Variants in NEK7 observed in about 807,000 individuals in gnomAD.
NEK7 encodes serine/threonine-protein kinase Nek7.
Under a neutral mutation model 44.6 loss-of-function variants are expected in NEK7, and 18 were observed. That is an observed-to-expected ratio of 0.40 (90% CI 0.28 to 0.60). The LOEUF (loss-of-function observed/expected upper bound fraction) is 0.60, where lower values mean the gene tolerates loss of function less well. Ranked by LOEUF, NEK7 falls within the 20% of genes least tolerant of loss-of-function variation. The pLI is 0.38. For missense variants in NEK7, 256 were observed against 366.5 expected, an observed-to-expected ratio of 0.70 and a Z score of 2.46; for synonymous variants, 130 against 121.1, an observed-to-expected ratio of 1.07 and a Z score of -0.48.
intron 9 of NEK7, among the ~76,000 whole-genome samples, chr1:198,318,767 A>T (rs950123299): frequency 3.3e-5 from 5 of 152,124 alleles, no homozygotes; most frequent in African/African-American, 1.2e-4. Flanking sequence ...ATCTGCTTTT[A>T]TTCTATGATA....
intron 5 of NEK7, among the ~76,000 whole-genome samples, chr1:198,271,324 G>C (rs1325456458): frequency 6.6e-6 from 1 of 151,998 alleles, no homozygotes; most frequent in African/African-American, 2.4e-5. Context: ...TCAAGAGAAT[G>C]GGATTATACA....
intron 5 of NEK7, among the ~76,000 whole-genome samples, chr1:198,266,967 A>G (rs1218039078): frequency 6.6e-6 from 1 of 152,030 alleles, no homozygotes; most frequent in Non-Finnish European, 1.5e-5. Flanking sequence ...ACTAGACAGG[A>G]GCACCCTCAC....
chr1:198,191,215 T>C (rs1478358814), intron 1 of NEK7, among the ~76,000 whole-genome samples: 1 of 152,076 alleles, frequency 6.6e-6, no homozygotes, highest in Admixed American at 6.6e-5. Flanking sequence ...TTAGAGTTTT[T>C]TTGGAGTATA....
At chr1:198,210,751 T>C (rs1468583417) in intron 1 of NEK7, among the ~76,000 whole-genome samples, 1 of 117,510 alleles carries the variant, frequency 8.5e-6, no homozygotes, top group African/African-American at 3.5e-5. Flanking sequence ...CTTTTTTTTT[T>C]TTTTTTTTTT....
chr1:198,314,270 G>C (rs1655281755), intron 9 of NEK7, among the ~76,000 whole-genome samples: 1 of 152,136 alleles, frequency 6.6e-6, no homozygotes, highest in Non-Finnish European at 1.5e-5. Flanking sequence ...TCGAGCCTTG[G>C]TTTTCAGCTC....
At chr1:198,295,958 G>T (rs902278205) in intron 8 of NEK7, among the ~76,000 whole-genome samples, 1 of 152,004 alleles carries the variant, frequency 6.6e-6, no homozygotes, top group African/African-American at 2.4e-5. Flanking sequence ...CTATATAGTT[G>T]TGTGCACGTT....
chr1:198,258,161 C>T (rs987993906), intron 3 of NEK7, among the ~76,000 whole-genome samples: 2 of 152,132 alleles, frequency 1.3e-5, no homozygotes, highest in Admixed American at 1.3e-4. Context: ...GCTGTAGAGC[C>T]GGGCACGGTG....
At position 198,262,634 on chromosome 1, in the gene NEK7, T is replaced by G. The variant is rs1283738742; in HGVS notation, c.258T>G (p.Leu86=). The G allele has an allele frequency of 6.4e-7, 1 of 1,563,082 alleles. No individual in the cohort carries two copies. The highest frequency in any genetic ancestry group is 8.8e-7 in the Non-Finnish European group (1 of 1,140,706). The change falls in exon 4 of 10, where the codon CTT becomes CTG. Residue 86 remains leucine, a synonymous_variant. Coordinates refer to ENST00000367385, the MANE Select transcript of NEK7 (RefSeq NM_133494.3). ...RADCIKEIDL[L]KQLNHPNVIK... ...ATTGCATCAAAGAAATAGATCTTCT[T>G]AAGGTAATTAATGAACTGTTGACTC...
At position 198,245,395 on chromosome 1, in the gene NEK7, C is replaced by T. The variant is rs1019682090; in HGVS notation, c.58-7645C>T. 1.8e-5 allele frequency: 3 copies of T among 169,192 alleles called. 1 individual carries two copies. The highest frequency in any genetic ancestry group is 2.9e-5 in the Non-Finnish European group (2 of 68,314). The allele number at this position is 169,192 out of a possible 1,614,324, so 10.5% of individuals were successfully genotyped here. A position where few individuals can be genotyped will look rare whatever the true frequency, so the allele number is the denominator to read the frequency against. On this transcript the variant is annotated intron_variant, in intron 2 of 9. Coordinates refer to ENST00000367385, the MANE Select transcript of NEK7 (RefSeq NM_133494.3). ...GCCTCTTTATAGAGTTGAATGACTA[C>T]TGTCAATTGCTACAGAAATAGAGGT...
rs1387427028 is a variant in NEK7, at chr1:198,319,927, T to A, written c.*405T>A. 6.5e-6 allele frequency: 1 copy of A among 153,574 alleles called. No individual in the cohort carries two copies. Among genetic ancestry groups the A allele is most frequent in the East Asian group, 1.9e-4 (1 of 5,236 alleles). The allele number at this position is 153,574 out of a possible 1,614,324, so 9.5% of individuals were successfully genotyped here. The stretch of plus-strand genomic sequence containing the variant: ...ATGTGACTTGTTTCTTTTTTAGTAA[T>A]TTATGGACATTGAGATGAACACAAT... On this transcript the variant is annotated 3_prime_UTR_variant, in exon 10 of 10. Transcript: ENST00000367385.
At chr1:198,248,003 T>C (rs1435530879) in intron 2 of NEK7, among the ~76,000 whole-genome samples, 2 of 152,106 alleles carry the variant, frequency 1.3e-5, no homozygotes, top group Non-Finnish European at 2.9e-5. Context: ...GTCTTTAATA[T>C]TCAGTTTCAT....
intron 1 of NEK7, among the ~76,000 whole-genome samples, chr1:198,231,181 G>T (rs3861920): frequency 0.14 from 20,701 of 150,276 alleles, 2,091 homozygotes; most frequent in East Asian, 0.57. Flanking sequence ...TAGGTACACT[G>T]TAGGGCAGTA....
intron 1 of NEK7, among the ~76,000 whole-genome samples, chr1:198,181,165 A>G (rs1417698987): frequency 6.6e-6 from 1 of 152,088 alleles, no homozygotes; most frequent in Admixed American, 6.6e-5. Context: ...CCAGCAAACT[A>G]AGCATTATCT....
At chr1:198,219,985 A>G (rs1017234343) in intron 1 of NEK7, among the ~76,000 whole-genome samples, 1 of 151,486 alleles carries the variant, frequency 6.6e-6, no homozygotes, top group Non-Finnish European at 1.5e-5. Context: ...TGCTGCACTA[A>G]TCATCCATTG....
intron 4 of NEK7, among the ~76,000 whole-genome samples, chr1:198,263,325 A>C (rs1653541133): frequency 6.6e-6 from 1 of 151,900 alleles, no homozygotes; most frequent in East Asian, 1.9e-4. Flanking sequence ...TTTTCTGACT[A>C]TTCTGTTAGT....
At chr1:198,307,104 T>G (rs528789636) in intron 9 of NEK7, among the ~76,000 whole-genome samples, 2 of 152,266 alleles carry the variant, frequency 1.3e-5, no homozygotes, top group East Asian at 3.9e-4. Flanking sequence ...TTGCTGTGAT[T>G]GAGATTCTCA....
intron 1 of NEK7, chr1:198,198,183 A>G: frequency 1.3e-6 from 1 of 749,072 alleles, no homozygotes. Context: ...TTGGGATTCC[A>G]CATGTTGAGG....
chr1:198,291,590 A>G (rs1050822523), intron 7 of NEK7, among the ~76,000 whole-genome samples: 18 of 152,092 alleles, frequency 1.2e-4, no homozygotes, highest in African/African-American at 4.3e-4. Flanking sequence ...TAATTTTTGT[A>G]TATTAATAGT....
At chr1:198,203,185 C>T (rs1253806953) in intron 1 of NEK7, among the ~76,000 whole-genome samples, 3 of 152,204 alleles carry the variant, frequency 2.0e-5, no homozygotes, top group Non-Finnish European at 4.4e-5. Flanking sequence ...ATGTCACAAG[C>T]CTTTAGATGG....
Sources: allele counts gnomAD v4.1 joint callset (sites outside exome capture counted in the v4.1 genomes callset), GRCh38; gene constraint gnomAD v4.1.1; transcripts MANE v1.5; gene names NCBI Gene and HGNC (gene_info 2026-07-23, HGNC 2026-07-21).